Variants in CPAMD8 observed in about 807,000 individuals in gnomAD.
The protein encoded by CPAMD8 is C3 and PZP like alpha-2-macroglobulin domain containing 8, also known as C3 and PZP-like alpha-2-macroglobulin domain-containing protein 8.
Under a neutral mutation model 224.7 loss-of-function variants are expected in CPAMD8, and 146 were observed. The observed-to-expected ratio is 0.65, with a 90% confidence interval of 0.57 to 0.75. CPAMD8 has a LOEUF of 0.75. CPAMD8 is among the 30% of genes least tolerant of loss of function. The pLI is 0.00. For missense variants in CPAMD8, 2,301 were observed against 2,537.5 expected, an observed-to-expected ratio of 0.91 and a Z score of 2.00; for synonymous variants, 966 against 1,044.6, an observed-to-expected ratio of 0.92 and a Z score of 1.45.
chr19:16,897,925 C>T lies in CPAMD8; in HGVS notation c.4918G>A (p.Ala1640Thr). The T allele has an allele frequency of 1.2e-6, 2 of 1,610,766 alleles. No individual in the cohort carries two copies. Among genetic ancestry groups the T allele is most frequent in the Non-Finnish European group, 1.7e-6 (2 of 1,179,280 alleles). The change falls in exon 38 of 42, where the codon GCG (alanine) becomes ACG (threonine). Residue 1640 changes from alanine (A) to threonine (T), a missense_variant. Around this residue, in one of 4 missense-constraint regions of CPAMD8, gnomAD observed 1,709 missense variants for 1,753.2 expected, o/e 0.97. Transcript: ENST00000443236. ...TAGTCGTACACGGAGACTGGCAGCG[C>T]CGACGTCCTGCCCACCACGCACTCC... is the stretch of plus-strand genomic sequence containing the variant. ...LRECVVGRTSALPVSVYDYYE... is the reference protein window; with the variant it reads ...LRECVVGRTSTLPVSVYDYYE...
intron 35 of CPAMD8, 62 bp downstream of exon 35, chr19:16,902,587 C>A: frequency 9.6e-7 from 1 of 1,044,758 alleles, no homozygotes; most frequent in Non-Finnish European, 1.4e-6. Context: ...TCCCAGGAGG[C>A]CATCCTCTCC....
Position 16,896,428 on chromosome 19 carries a change from GAGGCTAGGCGGGGGGT to G in CPAMD8, c.5275+12_5275+27del. The G allele has an allele frequency of 6.8e-7, 1 of 1,472,182 alleles. No homozygotes were observed. The highest frequency in any genetic ancestry group is 1.4e-5 in the African/African-American group (1 of 71,018). 91.2% of individuals were successfully genotyped at this position (1,472,182 alleles called of 1,614,324 possible). A position where few individuals can be genotyped will look rare whatever the true frequency, so the allele number is the denominator to read the frequency against. ...CCAGAGCAGCAGCGATGGTGTCCCCGAGGCTAGGCGGGGGGTAGGGTCCTCACCGAGGGCGCAGCAG... is the reference window on the plus strand; with the variant it reads ...CCAGAGCAGCAGCGATGGTGTCCCCGAGGGTCCTCACCGAGGGCGCAGCAG... On this transcript the variant is annotated intron_variant, in intron 40 of 41. Transcript: ENST00000443236.
Position 16,897,722 on chromosome 19 carries a change from G to A in CPAMD8, c.5034C>T (p.Asn1678=). The stretch of plus-strand genomic sequence containing the variant: ...CCCGGGCAGGGGCGCGCTCCACTTC[G>A]TTGCACGCGGGTCCGGCGCACAGTT... ...ARELCAGPAC[N]EVERAPARGP... The change falls in exon 39 of 42, where the codon AAC becomes AAT. Residue 1678 remains asparagine, a synonymous_variant. Transcript: ENST00000443236. 2 of 1,563,700 alleles carry A rather than the reference G, an allele frequency of 1.3e-6. No individual in the cohort carries two copies. Among genetic ancestry groups the A allele is most frequent in the East Asian group, 2.3e-5 (1 of 43,206 alleles).
At chr19:16,907,265 G>A in intron 29 of CPAMD8, 148 bp from the exon 30 acceptor site, 3 of 827,296 alleles carry the variant, frequency 3.6e-6, no homozygotes, top group Non-Finnish European at 1.6e-6. Context: ...ACTGCCTGCA[G>A]ACCCAATTTT....
intron 20 of CPAMD8, among the ~76,000 whole-genome samples, chr19:16,949,193 C>G (rs1383556697): frequency 6.6e-6 from 1 of 151,926 alleles, no homozygotes; most frequent in African/African-American, 2.4e-5. Context: ...TTTTCTCTGT[C>G]TTGGGGATGG....
At chr19:17,009,458 G>A (rs112819189) in intron 5 of CPAMD8, 138 bp from the exon 6 acceptor site, 50 of 1,433,722 alleles carry the variant, frequency 3.5e-5, no homozygotes, top group African/African-American at 1.4e-4. Context: ...GATTACATCC[G>A]TTGAATCCTA....
intron 29 of CPAMD8, among the ~76,000 whole-genome samples, chr19:16,909,998 C>G (rs62129661): frequency 4.4e-5 from 6 of 135,858 alleles, no homozygotes; most frequent in Non-Finnish European, 8.1e-5. Context: ...ATTACAGGCA[C>G]GTGCCATGGT....
At chr19:16,961,213 C>T (rs747017262) in intron 18 of CPAMD8, among the ~76,000 whole-genome samples, 4 of 152,150 alleles carry the variant, frequency 2.6e-5, no homozygotes, top group Non-Finnish European at 4.4e-5. Context: ...GGCGGGGTGT[C>T]GCCTTACCCG....
At chr19:16,968,139 T>A (rs535739893) in intron 18 of CPAMD8, among the ~76,000 whole-genome samples, 1 of 152,176 alleles carries the variant, frequency 6.6e-6, no homozygotes, top group Admixed American at 6.5e-5. Context: ...GGTCAGGGCC[T>A]CTGGGGTGGC....
At chr19:16,938,072 C>G (rs1363852672) in intron 23 of CPAMD8, among the ~76,000 whole-genome samples, 1 of 152,226 alleles carries the variant, frequency 6.6e-6, no homozygotes, top group Non-Finnish European at 1.5e-5. Flanking sequence ...CAGGTGTGAG[C>G]CACCGTGCCC....
intron 5 of CPAMD8, 121 bp from the exon 6 acceptor site, chr19:17,009,441 C>A: frequency 6.5e-7 from 1 of 1,537,474 alleles, no homozygotes; most frequent in Non-Finnish European, 8.9e-7. Context: ...TAAACAGTGT[C>A]CCCCTAGATT....
intron 20 of CPAMD8, among the ~76,000 whole-genome samples, 176 bp from the exon 21 acceptor site, chr19:16,947,403 T>C (rs2054141443): frequency 1.3e-5 from 2 of 152,160 alleles, no homozygotes; most frequent in African/African-American, 4.8e-5. Flanking sequence ...AACTACCCTC[T>C]GCTGTCTGGT....
chr19:17,009,182 C>T (rs1173961926), intron 6 of CPAMD8, 121 bp downstream of exon 6: 11 of 1,562,310 alleles, frequency 7.0e-6, no homozygotes, highest in Admixed American at 6.8e-5. Context: ...CAGGTCCCAG[C>T]CTTGTAAGGC....
intron 5 of CPAMD8, among the ~76,000 whole-genome samples, chr19:17,010,900 G>A (rs916827746): frequency 2.0e-5 from 3 of 151,972 alleles, no homozygotes; most frequent in African/African-American, 2.4e-5. Flanking sequence ...GCACACACCT[G>A]TAATCCCAAC....
intron 18 of CPAMD8, among the ~76,000 whole-genome samples, chr19:16,967,569 G>A (rs1410729609): frequency 3.3e-5 from 5 of 152,016 alleles, no homozygotes; most frequent in African/African-American, 1.2e-4. Flanking sequence ...CACTTTGGGA[G>A]GCCAAGGCTG....
At chr19:16,948,590 C>T (rs1555774731) in intron 20 of CPAMD8, among the ~76,000 whole-genome samples, 1 of 151,692 alleles carries the variant, frequency 6.6e-6, no homozygotes, top group African/African-American at 2.4e-5. Flanking sequence ...CTACTAAAGA[C>T]CAGGCGTAGT....
chr19:16,989,733 A>G lies in CPAMD8; in HGVS notation c.1305T>C (p.Ala435=), dbSNP rs555549563. 6.2e-7 allele frequency: 1 copy of G among 1,613,966 alleles called. No homozygotes were observed. The highest frequency in any genetic ancestry group is 1.3e-5 in the African/African-American group (1 of 75,020). The change falls in exon 13 of 42, where the codon GCT becomes GCC. Residue 435 remains alanine (A), a synonymous_variant. Transcript: ENST00000443236. ...VMALNGKPVG[A]QYLPSYLSLG... is the part of the protein sequence containing the mutation. Reference sequence around the variant, plus strand: ...GGGAGAGGTAGCTGGGCAGGTACTGAGCCCCCACAGGCTTCCCGTTCAGTG... The same window carrying G: ...GGGAGAGGTAGCTGGGCAGGTACTGGGCCCCCACAGGCTTCCCGTTCAGTG...
At chr19:17,017,930 G>A (rs1420391296) in intron 3 of CPAMD8, among the ~76,000 whole-genome samples, 1 of 151,996 alleles carries the variant, frequency 6.6e-6, no homozygotes, top group Non-Finnish European at 1.5e-5. Flanking sequence ...CTACTGGGGA[G>A]GCTGAGGCAG....
chr19:16,981,886 G>A (rs1334469536), intron 13 of CPAMD8, among the ~76,000 whole-genome samples: 1 of 152,226 alleles, frequency 6.6e-6, no homozygotes, highest in Non-Finnish European at 1.5e-5. Flanking sequence ...CTCCTGGACA[G>A]AGGGTCCTGA....
Sources: gnomAD v4.1 joint callset for allele counts (sites outside exome capture counted in the v4.1 genomes callset) on GRCh38, gnomAD v4.1.1 for gene constraint, gnomAD v4.1.1 regional missense constraint, MANE v1.5 for transcripts, NCBI Gene and HGNC (gene_info 2026-07-23, HGNC 2026-07-21) for gene names.